Variants in SSBP2 observed in about 807,000 individuals in gnomAD.
The protein encoded by SSBP2 is single-stranded DNA-binding protein 2.
Under a neutral mutation model 61.8 loss-of-function variants are expected in SSBP2, and 17 were observed. The ratio of observed to expected loss-of-function variants is 0.28; its 90% CI spans 0.19 to 0.41. The LOEUF is 0.41. SSBP2 is among the 10% of genes least tolerant of loss of function. The probability of loss-of-function intolerance (pLI) is 1.00; values close to 1 mark genes in which losing one functional copy is unlikely to be tolerated. For missense variants in SSBP2, 310 were observed against 458.7 expected (o/e 0.68, Z 2.96); for synonymous variants, 139 against 141.3 (o/e 0.98, Z 0.12).
At chr5:81,517,311 A>T (rs1769108501) in intron 4 of SSBP2, among the ~76,000 whole-genome samples, 1 of 151,076 alleles carries the variant, frequency 6.6e-6, no homozygotes, top group African/African-American at 2.4e-5. Context: ...GCACTGCCAG[A>T]TAATGTATTT....
intron 10 of SSBP2, among the ~76,000 whole-genome samples, chr5:81,455,783 C>T (rs1764104088): frequency 6.6e-6 from 1 of 152,052 alleles, no homozygotes; most frequent in Admixed American, 6.5e-5. Flanking sequence ...ATTTGAAGAA[C>T]TTATTATTTG....
chr5:81,501,859 T>G (rs59226512), intron 5 of SSBP2, among the ~76,000 whole-genome samples: 3 of 152,012 alleles, frequency 2.0e-5, no homozygotes, highest in African/African-American at 2.4e-5. Flanking sequence ...CACTGCGCCC[T>G]GCCCCCTGGT....
chr5:81,712,870 T>TGCGC (rs1233061493), intron 1 of SSBP2, among the ~76,000 whole-genome samples: 1 of 151,822 alleles, frequency 6.6e-6, no homozygotes, highest in East Asian at 1.9e-4. Context: ...ACTACAGGTA[T>TGCGC]GCGCCATCAT....
chr5:81,749,587 G>C (rs940015189), intron 1 of SSBP2, among the ~76,000 whole-genome samples: 1 of 152,102 alleles, frequency 6.6e-6, no homozygotes, highest in Non-Finnish European at 1.5e-5. Context: ...CAGAAAGACA[G>C]GGTGCGTTCA....
At chr5:81,570,674 C>T (rs567377567) in intron 4 of SSBP2, among the ~76,000 whole-genome samples, 1 of 149,260 alleles carries the variant, frequency 6.7e-6, no homozygotes, top group African/African-American at 2.5e-5. Flanking sequence ...GGGTCACCCA[C>T]AGAAAGCGTA....
intron 4 of SSBP2, among the ~76,000 whole-genome samples, chr5:81,525,008 A>G (rs1769809932): frequency 6.6e-6 from 1 of 151,994 alleles, no homozygotes; most frequent in Non-Finnish European, 1.5e-5. Flanking sequence ...CACCATTCAT[A>G]TCAACTTGCT....
At chr5:81,666,958 C>G (rs1360913477) in intron 1 of SSBP2, among the ~76,000 whole-genome samples, 1 of 152,112 alleles carries the variant, frequency 6.6e-6, no homozygotes, top group Non-Finnish European at 1.5e-5. Context: ...AAATTAACAC[C>G]AGAACCAGAC....
intron 5 of SSBP2, among the ~76,000 whole-genome samples, chr5:81,511,239 C>G (rs566651836): frequency 6.6e-6 from 1 of 152,322 alleles, no homozygotes; most frequent in South Asian, 2.1e-4. Context: ...CTGATTTGCT[C>G]TAAGAGCACA....
intron 14 of SSBP2, 142 bp from the exon 15 acceptor site, chr5:81,437,600 CTCT>C: frequency 1.5e-6 from 1 of 683,988 alleles, no homozygotes; most frequent in Non-Finnish European, 2.4e-6. Flanking sequence ...GAAAAAATTC[CTCT>C]TCTTTTATAC....
intron 9 of SSBP2, among the ~76,000 whole-genome samples, chr5:81,463,097 CTAAG>C (rs769809134): frequency 1.1e-4 from 16 of 151,804 alleles, no homozygotes; most frequent in Non-Finnish European, 1.9e-4. Context: ...TTCCAACATA[CTAAG>C]TGTTTCATAA....
chr5:81,624,726 T>C (rs1313038034), intron 3 of SSBP2, among the ~76,000 whole-genome samples: 1 of 152,162 alleles, frequency 6.6e-6, no homozygotes, highest in Non-Finnish European at 1.5e-5. Context: ...AATTAATCCA[T>C]GCTTGGTTTT....
intron 4 of SSBP2, among the ~76,000 whole-genome samples, chr5:81,554,677 G>A (rs1413638688): frequency 6.6e-6 from 1 of 151,970 alleles, no homozygotes; most frequent in African/African-American, 2.4e-5. Flanking sequence ...TAGAAAAAGA[G>A]GTTTAGAATT....
intron 5 of SSBP2, among the ~76,000 whole-genome samples, chr5:81,510,187 C>A (rs1274648272): frequency 4.6e-5 from 7 of 152,120 alleles, no homozygotes; most frequent in African/African-American, 1.7e-4. Context: ...GATTACTGTC[C>A]TAGACCTCAA....
intron 1 of SSBP2, among the ~76,000 whole-genome samples, chr5:81,748,686 T>C (rs955832412): frequency 2.0e-5 from 3 of 152,196 alleles, no homozygotes; most frequent in East Asian, 1.9e-4. Flanking sequence ...CTGCTGCCAA[T>C]TGAAATGAAT....
intron 4 of SSBP2, among the ~76,000 whole-genome samples, chr5:81,551,420 A>C (rs532596829): frequency 6.6e-6 from 1 of 152,210 alleles, no homozygotes; most frequent in Non-Finnish European, 1.5e-5. Context: ...CATTTTTGGA[A>C]TTTTATCATA....
At chr5:81,448,955 AAT>A (rs1763587078) in intron 10 of SSBP2, 130 bp from the exon 11 acceptor site, 4 of 688,518 alleles carry the variant, frequency 5.8e-6, no homozygotes, top group Non-Finnish European at 9.7e-6. Flanking sequence ...AGGATAAAAA[AAT>A]TTGTATCTGT....
rs565983055 is a variant in SSBP2, at chr5:81,451,754, C to T, written c.688-2929G>A. ...CCTTTTATACTTTTAATTTCTCCTT[C>T]TTCATGATTCCTTCAAAGAGTTAAA... On this transcript the variant is annotated intron_variant, in intron 10 of 16. Transcript: ENST00000320672. Among the ~76,000 whole-genome samples the T allele has an allele frequency of 4.0e-4, 61 of 152,284 alleles. 1 individual carries two copies. The highest frequency in any genetic ancestry group is 2.9e-3 in the South Asian group (14 of 4,828).
intron 8 of SSBP2, among the ~76,000 whole-genome samples, chr5:81,473,112 T>C (rs576659075): frequency 6.6e-6 from 1 of 152,370 alleles, no homozygotes; most frequent in South Asian, 2.1e-4. Context: ...CTAACAACTA[T>C]GTTACATGAA....
At chr5:81,535,514 G>A (rs1770737757) in intron 4 of SSBP2, among the ~76,000 whole-genome samples, 1 of 151,982 alleles carries the variant, frequency 6.6e-6, no homozygotes, top group African/African-American at 2.4e-5. Context: ...CTGACTATAA[G>A]GCAACAGTTA....
Sources: allele counts gnomAD v4.1 joint callset (sites outside exome capture counted in the v4.1 genomes callset), GRCh38; gene constraint gnomAD v4.1.1; transcripts MANE v1.5; gene names NCBI Gene and HGNC (gene_info 2026-07-23, HGNC 2026-07-21).